The following AGBL1 variants were observed in gnomAD, a reference collection of about 807,000 sequenced individuals.
AGBL1 encodes the protein AGBL carboxypeptidase 1.
Under a neutral mutation model 118.9 loss-of-function variants are expected in AGBL1, and 130 were observed. The observed-to-expected ratio is 1.09, with a 90% CI of 0.95 to 1.26. The LOEUF (loss-of-function observed/expected upper bound fraction) is 1.26, where lower values mean the gene tolerates loss of function less well. Ranked by LOEUF, AGBL1 falls within the 50% of genes most tolerant of loss-of-function variation. The probability of loss-of-function intolerance (pLI) is 0.00; values close to 1 mark genes in which losing one functional copy is unlikely to be tolerated. For synonymous variants in AGBL1, 555 were observed against 478.9 expected, an observed-to-expected ratio of 1.16 and a Z score of -2.08; for missense variants, 1,584 against 1,298.1, an observed-to-expected ratio of 1.22 and a Z score of -3.38.
intron 22 of AGBL1, among the ~76,000 whole-genome samples, chr15:86,702,330 A>G (rs535520702): frequency 6.6e-6 from 1 of 152,242 alleles, no homozygotes; most frequent in East Asian, 1.9e-4. Flanking sequence ...CATCAAGTCC[A>G]CTAGAGTGGA....
chr15:86,968,169 T>C lies in AGBL1; in HGVS notation c.3222-19818T>C, dbSNP rs186687048. Among the ~76,000 whole-genome samples, 283 of 151,860 alleles carry C rather than the reference T, an allele frequency of 1.9e-3. 2 individuals are homozygous for C. The highest frequency in any genetic ancestry group is 6.5e-3 in the African/African-American group (268 of 41,450). ...CAGAAAGAGGGTCACCCAAAATCATTTGGAGTAGTGACAATGACATTGGAT... is the reference window on the plus strand; with the variant it reads ...CAGAAAGAGGGTCACCCAAAATCATCTGGAGTAGTGACAATGACATTGGAT... On this transcript the variant is annotated intron_variant, in intron 23 of 24. Coordinates refer to the AGBL1 transcript ENST00000441037.
intron 23 of AGBL1, among the ~76,000 whole-genome samples, chr15:86,925,340 C>T (rs1472929718): frequency 1.3e-5 from 2 of 152,192 alleles, no homozygotes; most frequent in East Asian, 3.9e-4. Flanking sequence ...GTTCATAAAT[C>T]ATGCTGATAC....
At chr15:86,879,905 C>T (rs935605432) in intron 22 of AGBL1, among the ~76,000 whole-genome samples, 3 of 152,098 alleles carry the variant, frequency 2.0e-5, no homozygotes, top group African/African-American at 4.8e-5. Context: ...CATTCCACCA[C>T]CAAGAGAAAC....
chr15:87,011,239 C>T (rs1478302269), intron 24 of AGBL1, among the ~76,000 whole-genome samples: 3 of 152,136 alleles, frequency 2.0e-5, no homozygotes, highest in South Asian at 4.2e-4. Context: ...AGGAGACTAC[C>T]ACATGGGAGG....
At chr15:87,017,543 T>C (rs1331550608) in intron 24 of AGBL1, among the ~76,000 whole-genome samples, 1 of 151,912 alleles carries the variant, frequency 6.6e-6, no homozygotes, top group Non-Finnish European at 1.5e-5. Context: ...ATGGCAGCAG[T>C]CCTACAGAAG....
chr15:86,937,691 A>G (rs1272605117), intron 23 of AGBL1, among the ~76,000 whole-genome samples: 2 of 152,326 alleles, frequency 1.3e-5, no homozygotes, highest in East Asian at 1.9e-4. Flanking sequence ...AAAGATAACT[A>G]TTGGATACTG....
chr15:86,859,070 G>A (rs950903855), intron 22 of AGBL1, among the ~76,000 whole-genome samples: 1 of 152,172 alleles, frequency 6.6e-6, no homozygotes, highest in Non-Finnish European at 1.5e-5. Context: ...AGCCTGTTTT[G>A]CTGTGCTGCT....
chr15:87,004,571 C>A (rs2081477499), intron 24 of AGBL1, among the ~76,000 whole-genome samples: 1 of 152,102 alleles, frequency 6.6e-6, no homozygotes, highest in Admixed American at 6.5e-5. Flanking sequence ...TTATTTTGAG[C>A]CTATTTATGT....
chr15:86,149,060 T>A (rs921583749), intron 3 of AGBL1, among the ~76,000 whole-genome samples: 7 of 152,174 alleles, frequency 4.6e-5, no homozygotes, highest in African/African-American at 1.7e-4. Context: ...TAAAATCTTT[T>A]ACAGACAAGA....
intron 1 of AGBL1, among the ~76,000 whole-genome samples, chr15:86,112,558 G>A (rs1421271274): frequency 6.6e-6 from 1 of 152,220 alleles, no homozygotes; most frequent in Admixed American, 6.5e-5. Context: ...ATGAAGTGAT[G>A]AGGATCTTCG....
At chr15:86,427,975 T>C (rs1353402734) in intron 18 of AGBL1, among the ~76,000 whole-genome samples, 1 of 152,212 alleles carries the variant, frequency 6.6e-6, no homozygotes, top group Non-Finnish European at 1.5e-5. Flanking sequence ...CAAAATGGGA[T>C]AGATCTTAAA....
At chr15:86,612,794 T>C (rs1410149976) in intron 21 of AGBL1, among the ~76,000 whole-genome samples, 1 of 152,210 alleles carries the variant, frequency 6.6e-6, no homozygotes, top group Non-Finnish European at 1.5e-5. Context: ...TTACCATCCA[T>C]TCTCTCTGAA....
intron 18 of AGBL1, among the ~76,000 whole-genome samples, chr15:86,402,067 C>T (rs2081455144): frequency 6.6e-6 from 1 of 151,998 alleles, no homozygotes; most frequent in South Asian, 2.1e-4. Context: ...AATATTGACT[C>T]TACCTGTCCA....
intron 22 of AGBL1, among the ~76,000 whole-genome samples, chr15:86,776,193 A>G (rs924105760): frequency 6.6e-6 from 1 of 152,146 alleles, no homozygotes; most frequent in Non-Finnish European, 1.5e-5. Flanking sequence ...CATTGCATAG[A>G]TGATCACAGT....
At chr15:86,972,291 A>G (rs1208678547) in intron 23 of AGBL1, among the ~76,000 whole-genome samples, 1 of 151,966 alleles carries the variant, frequency 6.6e-6, no homozygotes, top group African/African-American at 2.4e-5. Flanking sequence ...CACAGATACA[A>G]CATTTGGCAT....
At chr15:86,235,151 TTAGAC>T (rs2078519287) in intron 6 of AGBL1, among the ~76,000 whole-genome samples, 2 of 152,206 alleles carry the variant, frequency 1.3e-5, no homozygotes, top group South Asian at 4.1e-4. Flanking sequence ...ACCCCCTACT[TTAGAC>T]TATGTGAGCC....
At chr15:86,229,071 A>G (rs951895209) in intron 6 of AGBL1, among the ~76,000 whole-genome samples, 10 of 152,156 alleles carry the variant, frequency 6.6e-5, no homozygotes, top group Non-Finnish European at 1.0e-4. Flanking sequence ...TCCTATCCAA[A>G]CACATTTAGC....
At chr15:86,859,406 C>G (rs992797543) in intron 22 of AGBL1, among the ~76,000 whole-genome samples, 1 of 152,168 alleles carries the variant, frequency 6.6e-6, no homozygotes, top group South Asian at 2.1e-4. Flanking sequence ...AAGGTGAAAA[C>G]TCCTCTTTTA....
At chr15:86,850,450 C>T (rs1051702221) in intron 22 of AGBL1, among the ~76,000 whole-genome samples, 1 of 152,170 alleles carries the variant, frequency 6.6e-6, no homozygotes, top group African/African-American at 2.4e-5. Context: ...ATAAACAGAT[C>T]TTTGCCAAAG....
Sources: allele counts gnomAD v4.1 joint callset (sites outside exome capture counted in the v4.1 genomes callset), GRCh38; gene constraint gnomAD v4.1.1; transcripts MANE v1.5; gene names NCBI Gene and HGNC (gene_info 2026-07-23, HGNC 2026-07-21).